The following ASH1L variants were observed in gnomAD, a reference collection of about 807,000 sequenced individuals.
ASH1L encodes ASH1 like histone lysine methyltransferase.
ASH1L carries 23 observed loss-of-function variants against 269.0 expected under a neutral mutation model. The observed-to-expected ratio is 0.09, with a 90% CI of 0.06 to 0.12. The LOEUF is 0.12. ASH1L is among the 10% of genes least tolerant of loss of function. ASH1L has a pLI of 1.00. For missense variants in ASH1L, 2,912 were observed against 3,567.8 expected, an observed-to-expected ratio of 0.82 and a Z score of 4.68; for synonymous variants, 1,187 against 1,253.5, an observed-to-expected ratio of 0.95 and a Z score of 1.12.
intron 6 of ASH1L, among the ~76,000 whole-genome samples, chr1:155,401,026 T>C (rs1355790392): frequency 6.6e-6 from 1 of 151,960 alleles, no homozygotes; most frequent in South Asian, 2.1e-4. Context: ...TAGGGCGTAG[T>C]GGTGTACGCC....
intron 6 of ASH1L, among the ~76,000 whole-genome samples, chr1:155,411,582 A>ATATATAT (rs1659775685): frequency 1.2e-4 from 6 of 48,406 alleles, no homozygotes; most frequent in South Asian, 1.2e-3. Flanking sequence ...TAAATAAATA[A>ATATATAT]ATAAATATAT....
intron 3 of ASH1L, among the ~76,000 whole-genome samples, chr1:155,464,533 C>G (rs1158691447): frequency 6.6e-6 from 1 of 151,436 alleles, no homozygotes; most frequent in Non-Finnish European, 1.5e-5. Context: ...AAAAAAGTAC[C>G]TAAATAAAAT....
chr1:155,536,275 G>C (rs958790716), intron 1 of ASH1L, among the ~76,000 whole-genome samples: 6 of 152,202 alleles, frequency 3.9e-5, no homozygotes, highest in Admixed American at 3.9e-4. Context: ...CGCAGACTGA[G>C]AGGGCATGCA....
chr1:155,562,001 G>A, intron 1 of ASH1L, 152 bp downstream of exon 1: 1 of 610,574 alleles, frequency 1.6e-6, no homozygotes, highest in Non-Finnish European at 2.8e-6. Flanking sequence ...GGTAGGCTCA[G>A]GATCCCCCTC....
chr1:155,395,450 G>A lies in ASH1L; in HGVS notation c.6103+9C>T, dbSNP rs772589123. ...TCTCAGCAATACATTGTGTGGACTC[G>A]GTACTTACCAACATGAATGGGCGCT... is the stretch of plus-strand genomic sequence containing the variant. On this transcript the variant is annotated intron_variant, in intron 7 of 27. Transcript: ENST00000392403. 8.2e-6 allele frequency: 13 copies of A among 1,585,806 alleles called. No homozygotes were observed. Among genetic ancestry groups the A allele is most frequent in the Admixed American group, 3.5e-5 (2 of 56,770 alleles).
intron 2 of ASH1L, among the ~76,000 whole-genome samples, chr1:155,496,455 A>G (rs1299095593): frequency 6.6e-6 from 1 of 152,266 alleles, no homozygotes; most frequent in African/African-American, 2.4e-5. Context: ...ACATGCACTC[A>G]TGAAGTTTAA....
intron 13 of ASH1L, among the ~76,000 whole-genome samples, chr1:155,359,820 C>T (rs1289094770): frequency 6.6e-6 from 1 of 152,016 alleles, no homozygotes; most frequent in Non-Finnish European, 1.5e-5. Flanking sequence ...TACAAGTAAT[C>T]CGCTTGCCTC....
chr1:155,362,190 A>C (rs1401112948), intron 12 of ASH1L, among the ~76,000 whole-genome samples: 1 of 151,864 alleles, frequency 6.6e-6, no homozygotes, highest in Non-Finnish European at 1.5e-5. Context: ...ACGTGCCACC[A>C]CGCCCAGCTA....
intron 2 of ASH1L, among the ~76,000 whole-genome samples, chr1:155,497,751 CTTTTTT>C (rs59853262): frequency 7.3e-6 from 1 of 137,260 alleles, no homozygotes; most frequent in African/African-American, 2.8e-5. Flanking sequence ...GAAGAAAATT[CTTTTTT>C]TTTTTTTTTG....
At chr1:155,525,659 C>A (rs990817488) in intron 1 of ASH1L, among the ~76,000 whole-genome samples, 1 of 151,974 alleles carries the variant, frequency 6.6e-6, no homozygotes, top group African/African-American at 2.4e-5. Flanking sequence ...GGATTCTAGA[C>A]CTATGTTCTC....
intron 1 of ASH1L, among the ~76,000 whole-genome samples, chr1:155,539,288 T>C (rs1285413274): frequency 6.6e-6 from 1 of 151,730 alleles, no homozygotes; most frequent in Non-Finnish European, 1.5e-5. Flanking sequence ...ATAAATAATC[T>C]GTGATTACAT....
At chr1:155,528,687 C>G (rs1487550276) in intron 1 of ASH1L, among the ~76,000 whole-genome samples, 1 of 152,036 alleles carries the variant, frequency 6.6e-6, no homozygotes, top group Non-Finnish European at 1.5e-5. Flanking sequence ...ACTCAAAGTC[C>G]ATTGATTTAT....
chr1:155,345,204 T>C (rs1653162725), intron 21 of ASH1L, among the ~76,000 whole-genome samples: 1 of 106,286 alleles, frequency 9.4e-6, no homozygotes, highest in Non-Finnish European at 1.8e-5. Flanking sequence ...TTTTGGAGAC[T>C]GAGTCTCACT....
At chr1:155,504,228 T>C (rs959730302) in intron 2 of ASH1L, among the ~76,000 whole-genome samples, 42 of 152,208 alleles carry the variant, frequency 2.8e-4, no homozygotes, top group African/African-American at 9.7e-4. Flanking sequence ...TTTTTAGTGG[T>C]TAGTTTAAAA....
intron 3 of ASH1L, among the ~76,000 whole-genome samples, chr1:155,470,683 C>G (rs937113007): frequency 8.6e-5 from 13 of 151,572 alleles, no homozygotes; most frequent in Non-Finnish European, 1.8e-4. Context: ...TCCCGAGTAG[C>G]TGGGACTACA....
At position 155,371,211 on chromosome 1, in the gene ASH1L, C is replaced by T. The variant is rs549622339; in HGVS notation, c.6333-228G>A. Among the ~76,000 whole-genome samples, 351 of 152,280 alleles carry T rather than the reference C, an allele frequency of 2.3e-3. 1 individual carries two copies. The highest frequency in any genetic ancestry group is 8.1e-3 in the African/African-American group (336 of 41,554). ...TGCTTCTTGTAAATGATTAAGCTAA[C>T]TGTCCACTCAGCATCCTGGGTAAAC... is the stretch of plus-strand genomic sequence containing the variant. On this transcript the variant is annotated intron_variant, in intron 10 of 27. Coordinates refer to ENST00000392403, the MANE Select transcript of ASH1L (RefSeq NM_018489.3).
At chr1:155,428,334 G>A (rs1359380379) in intron 5 of ASH1L, among the ~76,000 whole-genome samples, 4 of 133,412 alleles carry the variant, frequency 3.0e-5, no homozygotes, top group African/African-American at 5.7e-5. Context: ...CCAGCTACTC[G>A]GGAGACTGAG....
chr1:155,556,134 C>G (rs945751415), intron 1 of ASH1L, among the ~76,000 whole-genome samples: 6 of 152,186 alleles, frequency 3.9e-5, no homozygotes, highest in African/African-American at 1.4e-4. Flanking sequence ...CATTTCTCAG[C>G]ACTTTGGGAG....
intron 2 of ASH1L, among the ~76,000 whole-genome samples, chr1:155,490,636 A>ACACACACACACACG (rs1220717405): frequency 1.3e-5 from 2 of 150,654 alleles, no homozygotes; most frequent in African/African-American, 4.9e-5. Context: ...ACACACACAC[A>ACACACACACACACG]CACACACATA....
Sources: gnomAD v4.1 joint callset for allele counts (sites outside exome capture counted in the v4.1 genomes callset) on GRCh38, gnomAD v4.1.1 for gene constraint, MANE v1.5 for transcripts, NCBI Gene and HGNC (gene_info 2026-07-23, HGNC 2026-07-21) for gene names.